CHD6: variants seen among roughly 807,000 people sequenced by gnomAD.
CHD6 encodes the protein ATP-dependent chromatin remodeler CHD6.
In CHD6, 50 loss-of-function variants were observed where a neutral mutation model predicts 276.9. That is an observed-to-expected ratio of 0.18 (90% confidence interval 0.14 to 0.23). CHD6 has a LOEUF of 0.23. CHD6 is among the 10% of genes least tolerant of loss of function. The pLI is 1.00. For missense variants in CHD6, 2,564 were observed against 3,365.8 expected (o/e 0.76, Z 5.89); for synonymous variants, 1,173 against 1,229.3 (o/e 0.95, Z 0.96).
chr20:41,565,677 CCAATTCG>C (rs1475790731), intron 1 of CHD6, among the ~76,000 whole-genome samples: 1 of 109,140 alleles, frequency 9.2e-6, no homozygotes, highest in Non-Finnish European at 1.7e-5. Context: ...TTCCTGGATT[CCAATTCG>C]GCTCTCTTAG....
intron 14 of CHD6, 130 bp from the exon 15 acceptor site, chr20:41,484,737 T>G (rs1215082301): frequency 2.4e-5 from 22 of 929,238 alleles, no homozygotes; most frequent in Non-Finnish European, 3.6e-5. Flanking sequence ...AAAGAAAGAT[T>G]ATGATCGACC....
chr20:41,482,684 CAT>C (rs1438008495), intron 16 of CHD6: 12 of 362,410 alleles, frequency 3.3e-5, no homozygotes, highest in South Asian at 1.9e-4. Context: ...AAGTAATACA[CAT>C]GAGGTAACAA....
At chr20:41,427,144 C>T (rs1285001061) in intron 27 of CHD6, among the ~76,000 whole-genome samples, 1 of 151,098 alleles carries the variant, frequency 6.6e-6, no homozygotes, top group Non-Finnish European at 1.5e-5. Flanking sequence ...GCCTTCTAGC[C>T]CAGGGTATTT....
intron 17 of CHD6, among the ~76,000 whole-genome samples, chr20:41,471,627 G>A (rs576953598): frequency 5.3e-5 from 8 of 151,682 alleles, no homozygotes; most frequent in African/African-American, 9.7e-5. Context: ...GCTCCGCCTC[G>A]TGGGTTCATG....
At chr20:41,430,822 T>C (rs2047513261) in intron 27 of CHD6, among the ~76,000 whole-genome samples, 1 of 151,446 alleles carries the variant, frequency 6.6e-6, no homozygotes, top group African/African-American at 2.4e-5. Flanking sequence ...AAAGCAATAA[T>C]ATAAACTAAG....
At chr20:41,606,755 G>C (rs1203806240) in intron 1 of CHD6, among the ~76,000 whole-genome samples, 1 of 151,538 alleles carries the variant, frequency 6.6e-6, no homozygotes, top group Non-Finnish European at 1.5e-5. Flanking sequence ...CCCTCTAAAA[G>C]AGTAGTTCTC....
At chr20:41,437,185 T>C (rs2047736941) in intron 27 of CHD6, 89 bp downstream of exon 27, 4 of 992,390 alleles carry the variant, frequency 4.0e-6, no homozygotes, top group African/African-American at 1.6e-5. Context: ...AGTAATGCAA[T>C]CAAGTTCCCC....
chr20:41,564,832 G>A (rs750979574), intron 1 of CHD6, among the ~76,000 whole-genome samples: 2 of 152,212 alleles, frequency 1.3e-5, no homozygotes, highest in African/African-American at 4.8e-5. Context: ...GATAAGTGAT[G>A]GAGAGAGGCT....
chr20:41,451,917 A>G lies in CHD6; in HGVS notation c.3432T>C (p.His1144=), dbSNP rs367639183. The change falls in exon 22 of 37, where the codon CAT becomes CAC. Residue 1144 remains histidine (H), a synonymous_variant. Transcript: ENST00000373233. ...CRALLVYCVK[H]YKGDEKIKSF... ...TCTTGATCTTCTCGTCCCCCTTATA[A>G]TGCTTGACACAGTACACCAGGAGGG... is the stretch of plus-strand genomic sequence containing the variant. 6.8e-6 allele frequency: 11 copies of G among 1,614,024 alleles called. No individual in the cohort carries two copies. The African/African-American group carries it at 1.1e-4, about 16-fold the overall frequency.
At chr20:41,439,606 T>A (rs1051237164) in intron 26 of CHD6, among the ~76,000 whole-genome samples, 6 of 152,198 alleles carry the variant, frequency 3.9e-5, no homozygotes, top group African/African-American at 1.2e-4. Context: ...TCTGAGGAAC[T>A]GCAGTTCAAA....
At chr20:41,557,891 T>C (rs948539633) in intron 1 of CHD6, among the ~76,000 whole-genome samples, 2 of 152,180 alleles carry the variant, frequency 1.3e-5, no homozygotes, top group Non-Finnish European at 2.9e-5. Context: ...AATCTACTCA[T>C]GCCCATCCTC....
chr20:41,501,331 T>C (rs888568523), intron 5 of CHD6, among the ~76,000 whole-genome samples: 2 of 152,318 alleles, frequency 1.3e-5, no homozygotes, highest in Middle Eastern at 6.8e-3. Flanking sequence ...AATTTTTACA[T>C]ACAGAAATGC....
At chr20:41,543,093 A>C in intron 2 of CHD6, among the ~76,000 whole-genome samples, 1 of 143,486 alleles carries the variant, frequency 7.0e-6, no homozygotes, top group Non-Finnish European at 1.5e-5. Context: ...ACAGAGTGAG[A>C]CTCTGTCTCA....
intron 23 of CHD6, 38 bp downstream of exon 23, chr20:41,450,908 C>A: frequency 1.3e-6 from 2 of 1,584,110 alleles, no homozygotes; most frequent in South Asian, 1.2e-5. Flanking sequence ...CAGTCTGAGC[C>A]GGGCTGCCAC....
intron 18 of CHD6, 22 bp downstream of exon 18, chr20:41,457,242 A>T: frequency 1.2e-6 from 2 of 1,605,204 alleles, no homozygotes; most frequent in Non-Finnish European, 1.7e-6. Flanking sequence ...TTAAGACTCC[A>T]GAGCAGGCCC....
intron 9 of CHD6, 29 bp downstream of exon 9, chr20:41,493,829 A>T: frequency 6.3e-7 from 1 of 1,592,772 alleles, no homozygotes; most frequent in Non-Finnish European, 8.6e-7. Context: ...GAAAGAAGGG[A>T]AGATGCTTCA....
intron 1 of CHD6, among the ~76,000 whole-genome samples, chr20:41,587,517 C>G (rs2045608528): frequency 6.6e-6 from 1 of 152,158 alleles, no homozygotes; most frequent in South Asian, 2.1e-4. Context: ...AAGGTTCATC[C>G]CAAGAGTTCA....
At chr20:41,494,452 CA>C (rs1372936627) in intron 8 of CHD6, among the ~76,000 whole-genome samples, 1 of 151,968 alleles carries the variant, frequency 6.6e-6, no homozygotes, top group Non-Finnish European at 1.5e-5. Context: ...CACTATGCTT[CA>C]AAAAAAGTTT....
chr20:41,437,331 G>A lies in CHD6; in HGVS notation c.4011C>T (p.Gly1337=), dbSNP rs1336796590. 2 of 1,610,690 alleles carry A rather than the reference G, an allele frequency of 1.2e-6. No homozygotes were observed. Among genetic ancestry groups the A allele is most frequent in the Non-Finnish European group, 1.7e-6 (2 of 1,178,568 alleles). ...CAGCATTGTCTTCTTTATCTGTGTT[G>A]CCTCTAAATAAAAGTAAAAAAAGGC... ...TDGTSDIPER[G]NTDKEDNAED... The change falls in exon 27 of 37, where the codon GGC becomes GGT. Residue 1337 remains glycine, a synonymous_variant. Coordinates refer to ENST00000373233, the MANE Select transcript of CHD6 (RefSeq NM_032221.5).
Sources: allele counts gnomAD v4.1 joint callset (sites outside exome capture counted in the v4.1 genomes callset), GRCh38; gene constraint gnomAD v4.1.1; transcripts MANE v1.5; gene names NCBI Gene and HGNC (gene_info 2026-07-23, HGNC 2026-07-21).